BPI: variants seen among roughly 807,000 people sequenced by gnomAD.
BPI encodes the protein bactericidal permeability increasing protein, also known as bactericidal permeability-increasing protein.
BPI carries 48 observed loss-of-function variants against 57.6 expected under a neutral mutation model. The ratio of observed to expected loss-of-function variants is 0.83; its 90% CI spans 0.66 to 1.06. The LOEUF is 1.06. BPI is among the 50% of genes least tolerant of loss of function. BPI has a pLI of 0.00. For missense variants in BPI, 651 were observed against 609.7 expected, an observed-to-expected ratio of 1.07 and a Z score of -0.71; for synonymous variants, 237 against 238.2, an observed-to-expected ratio of 0.99 and a Z score of 0.05.
At chr20:38,316,336 A>G (rs1384565671) in intron 5 of BPI, among the ~76,000 whole-genome samples, 1 of 152,166 alleles carries the variant, frequency 6.6e-6, no homozygotes, top group Non-Finnish European at 1.5e-5. Flanking sequence ...AACCCTAAGG[A>G]GGATTAAGAA....
In BPI at chr20:38,323,980, C is replaced by G. The variant is rs1438968886; in HGVS notation, c.867C>G (p.Phe289Leu). The G allele has an allele frequency of 1.2e-6, 2 of 1,614,180 alleles. No individual in the cohort carries two copies. Among genetic ancestry groups the G allele is most frequent in the Admixed American group, 1.7e-5 (1 of 60,024 alleles). Reference protein sequence around the residue: ...RMVYLGLSDYFFNTAGLVYQE... With the variant: ...RMVYLGLSDYLFNTAGLVYQE... Reference sequence around the variant, plus strand: ...TATACCTGGGCCTCTCAGACTACTTCTTCAACACAGCCGGGCTTGTATACC... The same window carrying G: ...TATACCTGGGCCTCTCAGACTACTTGTTCAACACAGCCGGGCTTGTATACC... Residue 289 changes from phenylalanine (F) to leucine (L), a missense_variant, in exon 8 of 15, where the codon TTC becomes TTG. Coordinates refer to ENST00000642449, the MANE Select transcript of BPI (RefSeq NM_001725.3).
rs1301926119 is a variant in BPI, at chr20:38,307,620, C to T, written c.184C>T (p.Pro62Ser). The change falls in exon 2 of 15, where the codon CCT becomes TCT. Residue 62 changes from proline (P) to serine (S), a missense_variant. By Grantham distance (74) the Pro-to-Ser change is moderately conservative. Coordinates refer to ENST00000642449, the MANE Select transcript of BPI (RefSeq NM_001725.3). ...GAAGGAGCTGAAGAGGATCAAGATT[C>T]CTGACTACTCAGACAGCTTTAAGAT... ...LQKELKRIKI[P>S]DYSDSFKIKH... is the part of the protein sequence containing the mutation. 6.2e-7 allele frequency: 1 copy of T among 1,611,998 alleles called. No homozygotes were observed. The highest frequency in any genetic ancestry group is 8.5e-7 in the Non-Finnish European group (1 of 1,179,298).
Position 38,318,418 on chromosome 20 carries a change from C to T in BPI, c.606C>T (p.Cys202=), listed in dbSNP as rs144221701. 1,587 of 1,613,362 alleles carry T rather than the reference C, an allele frequency of 9.8e-4. 16 individuals are homozygous for T. The South Asian group carries it at 0.015, about 15-fold the overall frequency. ...ALRNKMNSQV[C]EKVTNSVSSE... ...ACTTGTTTGGTTCTCCCCAGGTCTG[C>T]GAGAAAGTGACCAATTCTGTATCCT... is the stretch of plus-strand genomic sequence containing the variant. The change falls in exon 6 of 15, where the codon TGC becomes TGT. Residue 202 remains cysteine, a synonymous_variant. Coordinates refer to ENST00000642449, the MANE Select transcript of BPI (RefSeq NM_001725.3).
intron 12 of BPI, among the ~76,000 whole-genome samples, chr20:38,331,770 G>C (rs957200028): frequency 6.6e-6 from 1 of 151,400 alleles, no homozygotes; most frequent in Non-Finnish European, 1.5e-5. Context: ...TTCAGCCCGG[G>C]AGTTCCAGGT....
intron 3 of BPI, 48 bp from the exon 4 acceptor site, chr20:38,310,443 C>A: frequency 1.3e-6 from 2 of 1,588,716 alleles, no homozygotes; most frequent in South Asian, 2.3e-5. Context: ...GTTTGAATGT[C>A]AGTGGGAAGA....
At chr20:38,326,807 A>C (rs553183914) in intron 10 of BPI, among the ~76,000 whole-genome samples, 2 of 152,286 alleles carry the variant, frequency 1.3e-5, no homozygotes, top group South Asian at 4.1e-4. Flanking sequence ...TCAGTTATTT[A>C]TTAGATTGTT....
rs1272692657 is a variant in BPI, at chr20:38,326,296, A to G, written c.1025A>G (p.Gln342Arg). ...VAKKFPNMKI[Q>R]IHVSASTPPH... The stretch of plus-strand genomic sequence containing the variant: ...AAGAAGTTTCCCAACATGAAGATAC[A>G]GATCCATGTCTCAGCCTCCACCCCG... Residue 342 changes from glutamine to arginine, a missense_variant, in exon 10 of 15, where the codon CAG (glutamine) becomes CGG (arginine). By Grantham distance (43) the Gln-to-Arg change is conservative. Coordinates refer to ENST00000642449, the MANE Select transcript of BPI (RefSeq NM_001725.3). 5.0e-6 allele frequency: 8 copies of G among 1,613,644 alleles called. No homozygotes were observed. The highest frequency in any genetic ancestry group is 6.8e-6 in the Non-Finnish European group (8 of 1,179,864).
intron 5 of BPI, among the ~76,000 whole-genome samples, chr20:38,314,391 TTGATGATGGTGATGGTGGGGATGATGA>T (rs1168719565): frequency 1.1e-5 from 1 of 88,904 alleles, no homozygotes; most frequent in Non-Finnish European, 2.3e-5. Flanking sequence ...GATGGTGAGA[TTGATGATGGTGATGGTGGGGATGATGA>T]TGATGATGGT....
chr20:38,323,872 G>C lies in BPI; in HGVS notation c.759G>C (p.Gly253=). The C allele has an allele frequency of 1.9e-6, 3 of 1,613,738 alleles. No homozygotes were observed. Among genetic ancestry groups the C allele is most frequent in the Non-Finnish European group, 2.5e-6 (3 of 1,179,834 alleles). Residue 253 remains glycine, a splice_region_variant and synonymous_variant, in exon 8 of 15, where the codon GGG becomes GGC. Coordinates refer to ENST00000642449, the MANE Select transcript of BPI (RefSeq NM_001725.3). ...TAETLDVQMK[G]EFYSENHHNP... ...CACTCTGTTGCCTCTACCCCCAGGGGGAGTTTTACAGTGAGAACCACCACA... is the reference window on the plus strand; with the variant it reads ...CACTCTGTTGCCTCTACCCCCAGGGCGAGTTTTACAGTGAGAACCACCACA...
chr20:38,325,331 T>C (rs1258430568), intron 9 of BPI, among the ~76,000 whole-genome samples: 1 of 152,212 alleles, frequency 6.6e-6, no homozygotes, highest in East Asian at 1.9e-4. Flanking sequence ...ACAGACCTGG[T>C]GGCATAAACA....
At position 38,308,949 on chromosome 20, in the gene BPI, C is replaced by T. The variant is rs775307677; in HGVS notation, c.265C>T (p.Gln89Ter). 1 of 1,614,162 alleles carries T rather than the reference C, an allele frequency of 6.2e-7. No individual in the cohort carries two copies. Among genetic ancestry groups the T allele is most frequent in the South Asian group, 1.1e-5 (1 of 91,080 alleles). Residue 89 changes from glutamine to a stop codon, truncating the protein, a stop_gained, in exon 3 of 15, where the codon CAG becomes TAG. Transcript: ENST00000642449. LOFTEE classifies it high-confidence loss of function. ...SFYSMDIREF[Q>*]LPSSQISMVP... The stretch of plus-strand genomic sequence containing the variant: ...TTGCAGCATGGACATCCGTGAATTC[C>T]AGCTTCCCAGTTCCCAGATAAGCAT...
chr20:38,334,357 G>T, intron 12 of BPI, 73 bp from the exon 13 acceptor site: 1 of 1,392,080 alleles, frequency 7.2e-7, no homozygotes. Context: ...CAGAGGTGGG[G>T]TGATGAGGAC....
intron 1 of BPI, among the ~76,000 whole-genome samples, chr20:38,307,312 C>G (rs1309832081): frequency 6.6e-6 from 1 of 152,212 alleles, no homozygotes; most frequent in Non-Finnish European, 1.5e-5. Flanking sequence ...CATATAAGAA[C>G]ATGATATTGT....
At chr20:38,305,952 G>T (rs116308353) in intron 1 of BPI, among the ~76,000 whole-genome samples, 2 of 152,204 alleles carry the variant, frequency 1.3e-5, no homozygotes, top group East Asian at 3.9e-4. Context: ...CCTTTTAATT[G>T]GTTCTTTGAT....
intron 13 of BPI, 54 bp downstream of exon 13, chr20:38,334,547 G>T (rs1308525347): frequency 1.3e-6 from 2 of 1,554,166 alleles, no homozygotes; most frequent in African/African-American, 2.7e-5. Context: ...AGAGGGTGGG[G>T]TTGATTACCC....
chr20:38,321,353 C>A (rs1482780065), intron 7 of BPI, among the ~76,000 whole-genome samples: 1 of 151,562 alleles, frequency 6.6e-6, no homozygotes, highest in Non-Finnish European at 1.5e-5. Flanking sequence ...ACTCACCACC[C>A]TCCAACCAGA....
At position 38,309,076 on chromosome 20, in the gene BPI, C is replaced by A. The variant is rs116227767; in HGVS notation, c.374+18C>A. Reference sequence around the variant, plus strand: ...AGATTCTTGTGCGTTTCCATGCTTGCGGTTTGTTGGGTGTGCTCTTGGTGA... The same window carrying A: ...AGATTCTTGTGCGTTTCCATGCTTGAGGTTTGTTGGGTGTGCTCTTGGTGA... On this transcript the variant is annotated intron_variant, in intron 3 of 14. Coordinates refer to ENST00000642449, the MANE Select transcript of BPI (RefSeq NM_001725.3). 2.5e-6 allele frequency: 4 copies of A among 1,613,668 alleles called. No homozygotes were observed. In the East Asian group the frequency reaches 6.7e-5, roughly 27 times the overall value.
intron 5 of BPI, among the ~76,000 whole-genome samples, chr20:38,316,537 G>C (rs1011584409): frequency 6.6e-6 from 1 of 152,220 alleles, no homozygotes; most frequent in African/African-American, 2.4e-5. Context: ...AAAGACAGAT[G>C]CTGAGTCAGG....
Position 38,326,425 on chromosome 20 carries a change from T to A in BPI, c.1154T>A (p.Ile385Asn). 6.2e-7 allele frequency: 1 copy of A among 1,613,298 alleles called. No individual in the cohort carries two copies. The highest frequency in any genetic ancestry group is 8.5e-7 in the Non-Finnish European group (1 of 1,179,590). Residue 385 changes from isoleucine (I) to asparagine (N), a missense_variant, in exon 10 of 15, where the codon ATT becomes AAT. Ile to Asn is a moderately radical substitution (Grantham distance 149, BLOSUM62 -3). Coordinates refer to ENST00000642449, the MANE Select transcript of BPI (RefSeq NM_001725.3). ...TCCTCCCTGGCTTCCCTCTTCCTGA[T>A]TGGCATGGTAAGCAGTTCCTGGGTT... Reference protein sequence around the residue: ...PNSSLASLFLIGMHTTGSMEV... With the variant: ...PNSSLASLFLNGMHTTGSMEV...
Sources: gnomAD v4.1 joint callset for allele counts (sites outside exome capture counted in the v4.1 genomes callset) on GRCh38, gnomAD v4.1.1 for gene constraint, MANE v1.5 for transcripts, NCBI Gene and HGNC (gene_info 2026-07-23, HGNC 2026-07-21) for gene names.